Variants in NT5DC1 observed in about 807,000 individuals in gnomAD.
NT5DC1 encodes the protein 5'-nucleotidase domain-containing protein 1.
NT5DC1 carries 42 observed loss-of-function variants against 59.4 expected under a neutral mutation model. The observed-to-expected ratio is 0.71, with a 90% CI of 0.55 to 0.92. NT5DC1 has a LOEUF of 0.92. NT5DC1 is among the 40% of genes least tolerant of loss of function. The pLI, the probability that NT5DC1 is intolerant of heterozygous loss-of-function variation, is 0.00. For missense variants in NT5DC1, 501 were observed against 537.1 expected, an observed-to-expected ratio of 0.93 and a Z score of 0.66; for synonymous variants, 172 against 188.1, an observed-to-expected ratio of 0.91 and a Z score of 0.70.
At chr6:116,211,267 C>T (rs12204724) in intron 6 of NT5DC1, among the ~76,000 whole-genome samples, 30,381 of 151,844 alleles carry the variant, frequency 0.2, 3,881 homozygotes, top group Middle Eastern at 0.34. Context: ...TCCATACCCC[C>T]GGGCACAACT....
chr6:116,121,296 G>T (rs777526306), intron 6 of NT5DC1: 1 of 1,614,014 alleles, frequency 6.2e-7, no homozygotes, highest in Non-Finnish European at 8.5e-7. Flanking sequence ...ATCCCTGGCT[G>T]GCCTGGGGCT....
In NT5DC1 at chr6:116,166,440, G is replaced by A. The variant is rs1279225460; in HGVS notation, c.529+48495G>A. Among the ~76,000 whole-genome samples, 6 of 152,320 alleles carry A rather than the reference G, an allele frequency of 3.9e-5. No homozygotes were observed. The East Asian group carries it at 1.2e-3, about 29-fold the overall frequency. On this transcript the variant is annotated intron_variant, in intron 6 of 11. Coordinates refer to ENST00000319550, the MANE Select transcript of NT5DC1 (RefSeq NM_152729.3). Reference sequence around the variant, plus strand: ...AACCAATCTTCAACAAAGGTGCTAAGAAATCACAATGGAAGAAGGATTTTG... The same window carrying A: ...AACCAATCTTCAACAAAGGTGCTAAAAAATCACAATGGAAGAAGGATTTTG...
At chr6:116,142,255 A>G (rs1779786186) in intron 6 of NT5DC1, among the ~76,000 whole-genome samples, 1 of 152,026 alleles carries the variant, frequency 6.6e-6, no homozygotes, top group Non-Finnish European at 1.5e-5. Context: ...ACAAAACACC[A>G]TAAACTATTT....
At chr6:116,180,584 T>A (rs534562662) in intron 6 of NT5DC1, among the ~76,000 whole-genome samples, 3 of 152,200 alleles carry the variant, frequency 2.0e-5, no homozygotes, top group African/African-American at 7.2e-5. Context: ...TTGTGCCTCA[T>A]GATGTGATGC....
At chr6:116,112,865 T>C (rs1778905803) in intron 4 of NT5DC1, among the ~76,000 whole-genome samples, 1 of 152,232 alleles carries the variant, frequency 6.6e-6, no homozygotes, top group African/African-American at 2.4e-5. Context: ...GTTGATTTTA[T>C]ATTTGTAGCT....
At chr6:116,236,850 T>C (rs576822724) in intron 8 of NT5DC1, 116 bp from the exon 9 acceptor site, 248 of 655,244 alleles carry the variant, frequency 3.8e-4, no homozygotes, top group Middle Eastern at 1.3e-3. Flanking sequence ...TGTCAGCTCC[T>C]TTCCCCACAA....
chr6:116,216,642 T>A (rs1261562356), intron 6 of NT5DC1, among the ~76,000 whole-genome samples: 1 of 151,904 alleles, frequency 6.6e-6, no homozygotes, highest in African/African-American at 2.4e-5. Context: ...CTAGATTTAT[T>A]TATTTAATTA....
intron 4 of NT5DC1, among the ~76,000 whole-genome samples, chr6:116,111,243 C>G (rs1316405210): frequency 6.6e-6 from 1 of 152,144 alleles, no homozygotes; most frequent in Non-Finnish European, 1.5e-5. Context: ...CTTAGTTGTC[C>G]TGTATTTATC....
rs376392492 is a variant in NT5DC1, at chr6:116,203,448, T to C, written c.530-17606T>C. ...AGATTAATTTTGTCTCATTTTTTAT[T>C]TTATATATGTAATTATGCAGTATGT... On this transcript the variant is annotated intron_variant, in intron 6 of 11. Transcript: ENST00000319550. Among the ~76,000 whole-genome samples, 9 of 152,018 alleles carry C rather than the reference T, an allele frequency of 5.9e-5. No homozygotes were observed. The East Asian group carries it at 9.7e-4, about 16-fold the overall frequency.
chr6:116,209,374 A>G (rs561531588), intron 6 of NT5DC1, among the ~76,000 whole-genome samples: 2 of 152,072 alleles, frequency 1.3e-5, no homozygotes, highest in Admixed American at 1.3e-4. Context: ...TCCCACACAC[A>G]CTTACTTCTG....
chr6:116,231,134 G>C (rs1244827892), intron 8 of NT5DC1, among the ~76,000 whole-genome samples: 1 of 111,776 alleles, frequency 8.9e-6, no homozygotes, highest in Non-Finnish European at 1.7e-5. Context: ...AAAGAACTAT[G>C]AATGAATGGT....
At chr6:116,106,196 G>A in intron 1 of NT5DC1, 48 bp from the exon 2 acceptor site, 1 of 906,780 alleles carries the variant, frequency 1.1e-6, no homozygotes, top group East Asian at 2.4e-5. Flanking sequence ...CATTAAGAAT[G>A]AATAGTGGGT....
At position 116,101,024 on chromosome 6, in the gene NT5DC1, G is replaced by C; in HGVS notation, c.93+1G>C. On this transcript the variant is annotated splice_donor_variant, in intron 1 of 11. Transcript: ENST00000319550. LOFTEE classifies it high-confidence loss of function. ...CTACAACCTGCCCGAGAGCGCCCCG[G>C]TGAGTGGCGCGGGCTCCGGGGCGCA... The C allele has an allele frequency of 6.3e-7, 1 of 1,586,468 alleles. No individual in the cohort carries two copies. Among genetic ancestry groups the C allele is most frequent in the South Asian group, 1.1e-5 (1 of 88,592 alleles).
chr6:116,127,669 A>G (rs1471892899), intron 6 of NT5DC1, among the ~76,000 whole-genome samples: 2 of 152,146 alleles, frequency 1.3e-5, no homozygotes, highest in African/African-American at 4.8e-5. Context: ...ATGCTTTTGA[A>G]TGCTAGGTTG....
chr6:116,179,054 T>A (rs1780815856), intron 6 of NT5DC1, among the ~76,000 whole-genome samples: 2 of 152,210 alleles, frequency 1.3e-5, no homozygotes, highest in Admixed American at 1.3e-4. Flanking sequence ...GTTTGTAAAA[T>A]TCGATATGTT....
chr6:116,150,201 A>G (rs1470531813), intron 6 of NT5DC1, among the ~76,000 whole-genome samples: 1 of 152,210 alleles, frequency 6.6e-6, no homozygotes, highest in African/African-American at 2.4e-5. Context: ...AAACATTACT[A>G]TGGCTTTCAC....
intron 7 of NT5DC1, among the ~76,000 whole-genome samples, chr6:116,221,598 G>A (rs936884159): frequency 2.0e-5 from 3 of 152,192 alleles, no homozygotes; most frequent in Non-Finnish European, 2.9e-5. Context: ...CTGGAGTACA[G>A]CCACTCTTTA....
At chr6:116,186,322 C>A (rs1324239093) in intron 6 of NT5DC1, among the ~76,000 whole-genome samples, 1 of 147,514 alleles carries the variant, frequency 6.8e-6, no homozygotes, top group East Asian at 2.0e-4. Context: ...TTTTCATCTT[C>A]ACTTTAGATA....
intron 6 of NT5DC1, among the ~76,000 whole-genome samples, chr6:116,191,165 A>G (rs1345040896): frequency 1.3e-5 from 2 of 151,964 alleles, no homozygotes; most frequent in Non-Finnish European, 2.9e-5. Context: ...AACCTTATTC[A>G]GCTCTGGAAG....
Sources: allele counts gnomAD v4.1 joint callset (sites outside exome capture counted in the v4.1 genomes callset), GRCh38; gene constraint gnomAD v4.1.1; transcripts MANE v1.5; gene names NCBI Gene and HGNC (gene_info 2026-07-23, HGNC 2026-07-21).